The following PRKN variants were observed in gnomAD, a reference collection of about 807,000 sequenced individuals.
PRKN encodes the protein parkin RBR E3 ubiquitin protein ligase, also known as E3 ubiquitin-protein ligase parkin.
PRKN carries 56 observed loss-of-function variants against 59.5 expected under a neutral mutation model. That is an observed-to-expected ratio of 0.94 (90% CI 0.76 to 1.18). The LOEUF is 1.18. Ranked by LOEUF, PRKN falls within the 50% of genes most tolerant of loss-of-function variation. PRKN has a pLI of 0.00. For synonymous variants in PRKN, 250 were observed against 222.1 expected, an observed-to-expected ratio of 1.13 and a Z score of -1.12; for missense variants, 657 against 596.4, an observed-to-expected ratio of 1.10 and a Z score of -1.06.
At chr6:161,997,480 G>A (rs1180697704) in intron 5 of PRKN, among the ~76,000 whole-genome samples, 2 of 152,018 alleles carry the variant, frequency 1.3e-5, no homozygotes, top group Non-Finnish European at 1.5e-5. Context: ...AATCACATAA[G>A]CAAGAAATTT....
At chr6:161,712,396 C>T (rs1278060870) in intron 7 of PRKN, among the ~76,000 whole-genome samples, 1 of 152,078 alleles carries the variant, frequency 6.6e-6, no homozygotes, top group Non-Finnish European at 1.5e-5. Flanking sequence ...GGATACATTC[C>T]GTATCTTAGC....
At chr6:161,453,605 TC>T (rs1200465128) in intron 9 of PRKN, among the ~76,000 whole-genome samples, 2 of 152,144 alleles carry the variant, frequency 1.3e-5, no homozygotes, top group Non-Finnish European at 2.9e-5. Flanking sequence ...CCTGCTCCGT[TC>T]CCAACCTTCT....
rs559968734 is a variant in PRKN at position 162,700,631 on chromosome 6, T to C, written c.7+27031A>G. 6.6e-5 allele frequency among the ~76,000 whole-genome samples: 10 copies of C among 152,256 alleles called. No homozygotes were observed. In the South Asian group the frequency reaches 1.7e-3, roughly 25 times the overall value. ...TAAAACACCTAACCAATAATAGGTA[T>C]TAAGTGTTAACATCTTTCTTTCTTG... On this transcript the variant is annotated intron_variant, in intron 1 of 11. Transcript: ENST00000366898.
chr6:162,082,184 C>A lies in PRKN; in HGVS notation c.535-28010G>T, dbSNP rs140075455. ...GGGTAGGTCTTTCCCATGATATTCT[C>A]TTGAAAGTGAATGAGCCTCAAAGAT... On this transcript the variant is annotated intron_variant, in intron 4 of 11. Coordinates refer to ENST00000366898, the MANE Select transcript of PRKN (RefSeq NM_004562.3). 3.3e-5 allele frequency among the ~76,000 whole-genome samples: 5 copies of A among 152,108 alleles called. No individual in the cohort carries two copies. The South Asian group carries it at 6.2e-4, about 19-fold the overall frequency.
At chr6:161,696,060 T>C (rs67965942) in intron 7 of PRKN, among the ~76,000 whole-genome samples, 19,240 of 152,096 alleles carry the variant, frequency 0.13, 1,559 homozygotes, top group South Asian at 0.28. Flanking sequence ...CATCTCTCCT[T>C]AGAAGAGCGA....
In PRKN at chr6:162,227,879, G is replaced by T. The variant is rs183313404; in HGVS notation, c.413-26627C>A. 9.2e-5 allele frequency among the ~76,000 whole-genome samples: 14 copies of T among 151,608 alleles called. No individual in the cohort carries two copies. In the South Asian group the frequency reaches 2.5e-3, roughly 27 times the overall value. On this transcript the variant is annotated intron_variant, in intron 3 of 11. Transcript: ENST00000366898. ...TGTGTTCCTCTATTGAAATTTGGGGGAAGTCCAAAAAGATGGACAAAGGAT... is the reference window on the plus strand; with the variant it reads ...TGTGTTCCTCTATTGAAATTTGGGGTAAGTCCAAAAAGATGGACAAAGGAT...
chr6:162,679,109 TATGA>T (rs1554261426), intron 1 of PRKN, among the ~76,000 whole-genome samples: 10 of 148,514 alleles, frequency 6.7e-5, no homozygotes, highest in African/African-American at 2.0e-4. Flanking sequence ...TTTATTTATT[TATGA>T]ATGAATGAGA....
intron 2 of PRKN, among the ~76,000 whole-genome samples, chr6:162,427,650 T>C (rs1789302464): frequency 6.7e-6 from 1 of 149,658 alleles, no homozygotes; most frequent in Non-Finnish European, 1.5e-5. Flanking sequence ...AAATGTTTTT[T>C]TTTCTTTTTT....
intron 7 of PRKN, among the ~76,000 whole-genome samples, chr6:161,703,101 T>G (rs1386960166): frequency 1.3e-5 from 2 of 151,846 alleles, no homozygotes; most frequent in Non-Finnish European, 2.9e-5. Flanking sequence ...GACAGGAGTT[T>G]GAGACCAGCC....
At chr6:162,499,947 A>G (rs959139396) in intron 1 of PRKN, among the ~76,000 whole-genome samples, 2 of 152,138 alleles carry the variant, frequency 1.3e-5, no homozygotes, top group African/African-American at 4.8e-5. Flanking sequence ...TCTATAGACA[A>G]TATCTGAATT....
At chr6:161,873,307 T>C (rs1486374023) in intron 6 of PRKN, among the ~76,000 whole-genome samples, 1 of 151,886 alleles carries the variant, frequency 6.6e-6, no homozygotes, top group Non-Finnish European at 1.5e-5. Flanking sequence ...TCGCTCCATG[T>C]TTGGAACATG....
chr6:161,977,542 G>GTTTTTTTTTTTTTTTTTTTTTTTT (rs1554256833), intron 5 of PRKN, among the ~76,000 whole-genome samples: 1 of 104,522 alleles, frequency 9.6e-6, no homozygotes. Flanking sequence ...TGTTTTTTTG[G>GTTTTTTTTTTTTTTTTTTTTTTTT]TTTTTTTTTT....
chr6:161,367,995 C>T (rs1785278684), intron 10 of PRKN, among the ~76,000 whole-genome samples: 1 of 152,098 alleles, frequency 6.6e-6, no homozygotes, highest in African/African-American at 2.4e-5. Flanking sequence ...TGCCTGGGTT[C>T]ATACTCCAGG....
intron 9 of PRKN, among the ~76,000 whole-genome samples, chr6:161,474,022 G>C (rs1790933183): frequency 6.6e-6 from 1 of 152,120 alleles, no homozygotes; most frequent in Admixed American, 6.5e-5. Context: ...TCGAAAAACA[G>C]AGCAGAATAT....
chr6:162,011,070 A>G (rs866982402), intron 5 of PRKN, among the ~76,000 whole-genome samples: 651 of 11,238 alleles, frequency 0.058, 253 homozygotes, highest in African/African-American at 0.13. Context: ...AATATATAAT[A>G]TATTTATAAT....
chr6:161,751,947 T>C (rs1402262017), intron 7 of PRKN, among the ~76,000 whole-genome samples: 3 of 152,132 alleles, frequency 2.0e-5, no homozygotes, highest in Admixed American at 6.5e-5. Flanking sequence ...GGGAAGGTGG[T>C]TCAGCATCTG....
chr6:162,670,330 T>C (rs190892046), intron 1 of PRKN, among the ~76,000 whole-genome samples: 2 of 152,350 alleles, frequency 1.3e-5, no homozygotes, highest in East Asian at 3.9e-4. Context: ...CCCTGTGCCA[T>C]CACTGGCTGT....
rs114257002 is a variant in PRKN, at chr6:162,255,679, G to A, written c.412+6846C>T. Reference sequence around the variant, plus strand: ...AAGACGGGCTAAGTTGCTTGGCTCCGGGGCCCACACTTACTGCCAGTCGGC... The same window carrying A: ...AAGACGGGCTAAGTTGCTTGGCTCCAGGGCCCACACTTACTGCCAGTCGGC... On this transcript the variant is annotated intron_variant, in intron 3 of 11. Transcript: ENST00000366898. Among the ~76,000 whole-genome samples the A allele has an allele frequency of 4.5e-3, 683 of 152,238 alleles. 6 individuals carry two copies. The highest frequency in any genetic ancestry group is 0.016 in the African/African-American group (659 of 41,524).
chr6:161,615,510 G>A (rs1352398885), intron 7 of PRKN, among the ~76,000 whole-genome samples: 2 of 152,192 alleles, frequency 1.3e-5, no homozygotes, highest in African/African-American at 4.8e-5. Flanking sequence ...AGAGAAGAAT[G>A]AAATTTCAGG....
Sources: gnomAD v4.1 joint callset for allele counts (sites outside exome capture counted in the v4.1 genomes callset) on GRCh38, gnomAD v4.1.1 for gene constraint, MANE v1.5 for transcripts, NCBI Gene and HGNC (gene_info 2026-07-23, HGNC 2026-07-21) for gene names.